The following LARGE1 variants were observed in gnomAD, a reference collection of about 807,000 sequenced individuals.
The protein encoded by LARGE1 is xylosyl- and glucuronyltransferase LARGE1.
A neutral mutation model predicts 87.6 loss-of-function variants in LARGE1; 43 were observed. The observed-to-expected ratio is 0.49, with a 90% confidence interval of 0.38 to 0.63. The LOEUF is 0.63. Among genes scored for constraint, LARGE1 ranks in the 30% least tolerant of loss-of-function variants. LARGE1 has a pLI of 0.00. For synonymous variants in LARGE1, 434 were observed against 394.6 expected, an observed-to-expected ratio of 1.10 and a Z score of -1.18; for missense variants, 802 against 1,000.2, an observed-to-expected ratio of 0.80 and a Z score of 2.67.
At chr22:33,152,578 A>T in the LARGE1 span, among the ~76,000 whole-genome samples, 2 of 152,040 alleles carry the variant, frequency 1.3e-5, no homozygotes, top group Non-Finnish European at 2.9e-5. Flanking sequence ...TTATATTTAA[A>T]TTTTTTAATG....
At chr22:33,162,378 C>T (rs774714757) in exon 12 of LARGE1, 2 of 152,144 alleles carry the variant, frequency 1.3e-5, no homozygotes, top group African/African-American at 2.4e-5. Context: ...ATCACACCAT[C>T]AGATCTCATG....
chr22:33,116,125 A>C, the LARGE1 span: 7 of 152,228 alleles, frequency 4.6e-5, no homozygotes, highest in African/African-American at 1.7e-4. Context: ...GACATCGACG[A>C]GGGTGGACCT....
chr22:33,732,786 A>C (rs947414150), intron 2 of LARGE1: 1 of 152,214 alleles, frequency 6.6e-6, no homozygotes. Flanking sequence ...ACTCACCACC[A>C]GAGTCTACTC....
chr22:33,787,001 A>T (rs2085666979), intron 1 of LARGE1, among the ~76,000 whole-genome samples: 1 of 150,328 alleles, frequency 6.7e-6, no homozygotes, highest in Non-Finnish European at 1.5e-5. Context: ...AGCCTGGGTG[A>T]CAGAGTGAGA....
At chr22:33,463,744 C>A (rs1012141482) in intron 6 of LARGE1, among the ~76,000 whole-genome samples, 2 of 152,200 alleles carry the variant, frequency 1.3e-5, no homozygotes, top group Admixed American at 1.3e-4. Context: ...GCAACCTCGG[C>A]TCACCATAAC....
intron 6 of LARGE1, among the ~76,000 whole-genome samples, chr22:33,489,433 C>T (rs1408045848): frequency 3.3e-5 from 5 of 152,296 alleles, no homozygotes; most frequent in Non-Finnish European, 1.5e-5. Context: ...GTGTCCCCAT[C>T]CAAATCTCAT....
chr22:33,534,982 C>T (rs1037851163), intron 6 of LARGE1, among the ~76,000 whole-genome samples: 3 of 152,198 alleles, frequency 2.0e-5, no homozygotes, highest in African/African-American at 2.4e-5. Context: ...TTTACATGAG[C>T]ACTTGGCATA....
In LARGE1 at chr22:33,179,956, G is replaced by A. The variant is rs73164384; in HGVS notation, c.1731-13124C>T. 8.4e-3 allele frequency among the ~76,000 whole-genome samples: 1,277 copies of A among 152,260 alleles called. 16 individuals carry two copies. The highest frequency in any genetic ancestry group is 0.024 in the Middle Eastern group (7 of 294). On this transcript the variant is annotated intron_variant, in intron 11 of 11. Coordinates refer to the LARGE1 transcript ENST00000608642. Reference sequence around the variant, plus strand: ...CATGAGGACTCTTCCTTTGTGAATGGGAGTAAGGCCCTCGTAAAAGAGAAG... The same window carrying A: ...CATGAGGACTCTTCCTTTGTGAATGAGAGTAAGGCCCTCGTAAAAGAGAAG...
intron 6 of LARGE1, among the ~76,000 whole-genome samples, chr22:33,481,049 T>A (rs370100234): frequency 1.4e-4 from 21 of 152,126 alleles, no homozygotes; most frequent in African/African-American, 4.8e-4. Flanking sequence ...TTCTCATCTC[T>A]TATAATTTCC....
chr22:33,155,649 A>G, the LARGE1 span, among the ~76,000 whole-genome samples: 6 of 152,328 alleles, frequency 3.9e-5, no homozygotes, highest in Non-Finnish European at 8.8e-5. Flanking sequence ...CAACCTGACA[A>G]TGCGATAGAA....
chr22:33,369,900 A>G (rs2064745588), intron 9 of LARGE1, among the ~76,000 whole-genome samples: 1 of 151,916 alleles, frequency 6.6e-6, no homozygotes. Flanking sequence ...TGGTGTTGAG[A>G]TAAAATTCAG....
At chr22:33,728,749 G>A (rs538180631) in intron 2 of LARGE1, among the ~76,000 whole-genome samples, 1 of 152,174 alleles carries the variant, frequency 6.6e-6, no homozygotes, top group African/African-American at 2.4e-5. Flanking sequence ...CTACTAGAGG[G>A]CAGGACCCAT....
At position 33,208,574 on chromosome 22, in the gene LARGE1, C is replaced by CTT. The variant is rs58306311; in HGVS notation, c.1731-41744_1731-41743dup. ...TTTACTAACCTTTAAAAACAAGTCA[C>CTT]TTTTTTTTTTTATTATACTTTAAGT... On this transcript the variant is annotated intron_variant, in intron 11 of 11. Coordinates refer to the LARGE1 transcript ENST00000608642. Among the ~76,000 whole-genome samples the CTT allele has an allele frequency of 9.0e-4, 134 of 148,712 alleles. 1 individual carries two copies. The highest frequency in any genetic ancestry group is 2.6e-3 in the East Asian group (13 of 5,074).
At chr22:33,459,164 C>T (rs1050072414) in intron 6 of LARGE1, among the ~76,000 whole-genome samples, 1 of 152,088 alleles carries the variant, frequency 6.6e-6, no homozygotes, top group African/African-American at 2.4e-5. Flanking sequence ...TGTGTTATTC[C>T]CCTCTCTGTG....
intron 2 of LARGE1, among the ~76,000 whole-genome samples, chr22:33,698,318 C>T (rs895941190): frequency 2.8e-4 from 40 of 143,860 alleles, no homozygotes; most frequent in African/African-American, 9.7e-4. Flanking sequence ...AAGCGATCTG[C>T]CCGCCTTAGC....
At chr22:33,424,228 T>A (rs2066794658) in intron 7 of LARGE1, among the ~76,000 whole-genome samples, 1 of 152,162 alleles carries the variant, frequency 6.6e-6, no homozygotes, top group East Asian at 1.9e-4. Flanking sequence ...TTCAGAACAG[T>A]GAGCGGAAGT....
intron 1 of LARGE1, among the ~76,000 whole-genome samples, chr22:33,786,752 T>C (rs1343405320): frequency 2.0e-5 from 3 of 152,220 alleles, no homozygotes; most frequent in Non-Finnish European, 4.4e-5. Flanking sequence ...CTGGGCGCAG[T>C]GGCTCACGCC....
the LARGE1 span, among the ~76,000 whole-genome samples, chr22:33,116,448 G>A: frequency 2.0e-5 from 3 of 152,040 alleles, no homozygotes; most frequent in South Asian, 6.2e-4. Flanking sequence ...TCCGCCTCCC[G>A]GGTTCACGCC....
At chr22:33,446,818 C>T (rs956813108) in intron 6 of LARGE1, among the ~76,000 whole-genome samples, 8 of 152,168 alleles carry the variant, frequency 5.3e-5, no homozygotes, top group East Asian at 3.9e-4. Flanking sequence ...ACAGAGGCAA[C>T]GTGAACAGTG....
Sources: allele counts gnomAD v4.1 joint callset (sites outside exome capture counted in the v4.1 genomes callset), GRCh38; gene constraint gnomAD v4.1.1; transcripts MANE v1.5; gene names NCBI Gene and HGNC (gene_info 2026-07-23, HGNC 2026-07-21).